Variants in CDH8 observed in about 807,000 individuals in gnomAD.
CDH8 encodes the protein cadherin 8, also known as cadherin-8.
A neutral mutation model predicts 68.1 loss-of-function variants in CDH8; 17 were observed. That is an observed-to-expected ratio of 0.25 (90% CI 0.17 to 0.37). The LOEUF (loss-of-function observed/expected upper bound fraction) is 0.37. CDH8 is among the 10% of genes least tolerant of loss of function. The pLI is 1.00. For missense variants in CDH8, 763 were observed against 999.3 expected, an observed-to-expected ratio of 0.76 and a Z score of 3.19; for synonymous variants, 372 against 365.1, an observed-to-expected ratio of 1.02 and a Z score of -0.21.
At chr16:62,024,794 A>G (rs1902159007) in intron 1 of CDH8, among the ~76,000 whole-genome samples, 1 of 152,272 alleles carries the variant, frequency 6.6e-6, no homozygotes, top group Non-Finnish European at 1.5e-5. Flanking sequence ...GATTTACTCA[A>G]GGAGCACTTC....
chr16:61,723,878 T>A (rs1212872243), intron 9 of CDH8, among the ~76,000 whole-genome samples: 1 of 150,654 alleles, frequency 6.6e-6, no homozygotes, highest in African/African-American at 2.4e-5. Flanking sequence ...AATCTGCAAA[T>A]GACTATATCA....
chr16:61,902,595 C>CA (rs1963994346), intron 2 of CDH8, among the ~76,000 whole-genome samples: 1 of 129,098 alleles, frequency 7.7e-6, no homozygotes, highest in African/African-American at 2.8e-5. Flanking sequence ...AAAAAAAAAA[C>CA]CGCCTTGTGG....
At chr16:61,738,533 C>T (rs1164331518) in intron 8 of CDH8, among the ~76,000 whole-genome samples, 7 of 152,122 alleles carry the variant, frequency 4.6e-5, no homozygotes, top group African/African-American at 1.7e-4. Context: ...AGAGACCTGA[C>T]TTTATCCTTC....
chr16:61,698,783 T>C (rs1964372267), intron 10 of CDH8, among the ~76,000 whole-genome samples: 2 of 152,142 alleles, frequency 1.3e-5, no homozygotes, highest in Non-Finnish European at 2.9e-5. Flanking sequence ...TTATGACTTC[T>C]CCGATATCTT....
intron 10 of CDH8, among the ~76,000 whole-genome samples, chr16:61,675,675 A>G (rs1455008628): frequency 6.6e-6 from 1 of 151,560 alleles, no homozygotes; most frequent in Non-Finnish European, 1.5e-5. Flanking sequence ...TAAGAAATGC[A>G]TATTGACTGA....
In CDH8 at chr16:61,650,208, C is replaced by A. The variant is rs1265780597; in HGVS notation, c.*3400G>T. The A allele has an allele frequency of 6.6e-6, 1 of 152,002 alleles. No homozygotes were observed. The highest frequency in any genetic ancestry group is 1.5e-5 in the Non-Finnish European group (1 of 67,984). 9.4% of individuals were successfully genotyped at this position (152,002 alleles called of 1,614,324 possible). On this transcript the variant is annotated 3_prime_UTR_variant, in exon 12 of 12. Coordinates refer to ENST00000577390, the MANE Select transcript of CDH8 (RefSeq NM_001796.5). ...TAAAAATATTGTTAAGAAATGCCCC[C>A]CTTAATACTCTTTAATATTCATATA...
chr16:61,890,309 G>A (rs886689212), intron 3 of CDH8, among the ~76,000 whole-genome samples: 3 of 152,138 alleles, frequency 2.0e-5, no homozygotes, highest in Non-Finnish European at 4.4e-5. Flanking sequence ...TTAAGCATTA[G>A]CTACTACTGT....
intron 4 of CDH8, 55 bp downstream of exon 4, chr16:61,857,064 G>A: frequency 6.2e-7 from 1 of 1,602,198 alleles, no homozygotes; most frequent in Non-Finnish European, 8.5e-7. Context: ...CCCAAGAAAA[G>A]CATTTCCCTG....
chr16:61,757,629 T>A (rs1960357087), intron 8 of CDH8, among the ~76,000 whole-genome samples: 1 of 152,146 alleles, frequency 6.6e-6, no homozygotes, highest in South Asian at 2.1e-4. Flanking sequence ...GCTCAAGTCT[T>A]AAGAAGTTAG....
chr16:62,008,086 C>T (rs1381183918), intron 2 of CDH8, among the ~76,000 whole-genome samples: 1 of 151,954 alleles, frequency 6.6e-6, no homozygotes, highest in Non-Finnish European at 1.5e-5. Context: ...AGGTGCATGC[C>T]ACCACACTCA....
At chr16:61,758,960 G>A (rs529398682) in intron 8 of CDH8, among the ~76,000 whole-genome samples, 1 of 152,210 alleles carries the variant, frequency 6.6e-6, no homozygotes, top group African/African-American at 2.4e-5. Flanking sequence ...CCATTGAGCA[G>A]TAGGATATAA....
At chr16:61,980,410 C>G (rs755802559) in intron 2 of CDH8, among the ~76,000 whole-genome samples, 2 of 152,232 alleles carry the variant, frequency 1.3e-5, no homozygotes, top group East Asian at 1.9e-4. Flanking sequence ...ATTCTAATCA[C>G]CTCATTTTTT....
At chr16:61,775,987 C>T (rs1596956665) in intron 8 of CDH8, among the ~76,000 whole-genome samples, 2 of 152,106 alleles carry the variant, frequency 1.3e-5, no homozygotes, top group African/African-American at 4.8e-5. Context: ...TCTCTCTAAG[C>T]CCAAGTGGTT....
chr16:61,661,419 A>T (rs980493189), intron 10 of CDH8, among the ~76,000 whole-genome samples: 1 of 151,964 alleles, frequency 6.6e-6, no homozygotes, highest in East Asian at 1.9e-4. Flanking sequence ...CAGTGGAATG[A>T]AACTAATAAT....
intron 2 of CDH8, among the ~76,000 whole-genome samples, chr16:61,911,247 T>C (rs1026088603): frequency 1.3e-5 from 2 of 151,984 alleles, no homozygotes; most frequent in African/African-American, 4.8e-5. Context: ...GGGAAGAATA[T>C]GGGTGGATGA....
chr16:61,713,735 T>A (rs1277918979), intron 10 of CDH8, 106 bp downstream of exon 10: 1 of 654,426 alleles, frequency 1.5e-6, no homozygotes. Context: ...CAAGTGCTCA[T>A]AGTTGAACAA....
At chr16:61,817,991 C>T in intron 6 of CDH8, 1 of 362,464 alleles carries the variant, frequency 2.8e-6, no homozygotes, top group East Asian at 4.8e-5. Flanking sequence ...AAAATATTCA[C>T]AGTCATGAAT....
chr16:62,035,788 G>A (rs1449453902), intron 1 of CDH8, among the ~76,000 whole-genome samples: 1 of 152,206 alleles, frequency 6.6e-6, no homozygotes, highest in Non-Finnish European at 1.5e-5. Flanking sequence ...AAGGAAACCG[G>A]CAGGAAAACT....
intron 10 of CDH8, among the ~76,000 whole-genome samples, chr16:61,694,583 T>C (rs1218996315): frequency 6.6e-6 from 1 of 152,032 alleles, no homozygotes; most frequent in Non-Finnish European, 1.5e-5. Context: ...TTTGGTCATA[T>C]GGGGTGATGA....
Sources: gnomAD v4.1 joint callset for allele counts (sites outside exome capture counted in the v4.1 genomes callset) on GRCh38, gnomAD v4.1.1 for gene constraint, MANE v1.5 for transcripts, NCBI Gene and HGNC (gene_info 2026-07-23, HGNC 2026-07-21) for gene names.